SPATA20: variants seen among roughly 807,000 people sequenced by gnomAD.
SPATA20 encodes the protein spermatogenesis associated 20, also known as spermatogenesis-associated protein 20.
SPATA20 carries 74 observed loss-of-function variants against 98.9 expected under a neutral mutation model. The ratio of observed to expected loss-of-function variants is 0.75; its 90% confidence interval spans 0.62 to 0.91. SPATA20 has a LOEUF of 0.91. Ranked by LOEUF, SPATA20 falls within the 40% of genes least tolerant of loss-of-function variation. SPATA20 has a pLI of 0.00. For missense variants in SPATA20, 1,016 were observed against 1,069.8 expected, an observed-to-expected ratio of 0.95 and a Z score of 0.70; for synonymous variants, 430 against 440.5, an observed-to-expected ratio of 0.98 and a Z score of 0.30.
Position 50,552,126 on chromosome 17 carries a change from T to G in SPATA20, c.1903T>G (p.Tyr635Asp). The G allele has an allele frequency of 6.2e-7, 1 of 1,613,846 alleles. No homozygotes were observed. Among genetic ancestry groups the G allele is most frequent in the South Asian group, 1.1e-5 (1 of 91,084 alleles). The change falls in exon 14 of 17, where the codon TAC (tyrosine) becomes GAC (aspartate). Residue 635 changes from tyrosine (Y) to aspartate (D), a missense_variant. Tyr to Asp is a radical substitution (Grantham distance 160). Transcript: ENST00000006658. ...CTTTTGGGACTCCCAGGGTGGCGGC[T>G]ACTTCTGCAGTGAGGCTGAGCTGGG... ...KLFWDSQGGGYFCSEAELGAG... is the reference protein window; with the variant it reads ...KLFWDSQGGGDFCSEAELGAG...
chr17:50,548,925 G>A lies in SPATA20; in HGVS notation c.477G>A (p.Glu159=). 1.2e-6 allele frequency: 2 copies of A among 1,614,190 alleles called. No homozygotes were observed. The highest frequency in any genetic ancestry group is 1.3e-5 in the African/African-American group (1 of 75,052). ...DFVSVKVDRE[E]RPDVDKVYMT... ...TGAGTGTGAAGGTAGACCGTGAGGA[G>A]CGGCCTGACGTGGACAAGGTGTACA... The change falls in exon 5 of 17, where the codon GAG becomes GAA. Residue 159 remains glutamate, a synonymous_variant. Transcript: ENST00000006658.
chr17:50,551,256 C>T (rs111452879), intron 12 of SPATA20, 66 bp downstream of exon 12: 20 of 1,426,734 alleles, frequency 1.4e-5, no homozygotes, highest in Middle Eastern at 2.5e-4. Flanking sequence ...CCTGTCTTTC[C>T]GGCAGCGGCT....
intron 9 of SPATA20, 50 bp downstream of exon 9, chr17:50,550,362 C>A: frequency 6.9e-7 from 1 of 1,446,936 alleles, no homozygotes; most frequent in Non-Finnish European, 9.5e-7. Context: ...CTGGCTGCCC[C>A]TCCCAAGGCC....
Position 50,550,784 on chromosome 17 carries a change from ATGTG to A in SPATA20, c.1253_1256del (p.Val418GlyfsTer21). On this transcript the variant is annotated frameshift_variant, in exon 11 of 17. Transcript: ENST00000006658. LOFTEE classifies it high-confidence loss of function. ...CAGCGGCCCAAAGAGGGCGCCTACT[ATGTG>A]TGGACGGTCAAAGAGGTTCAGCAGC... is the stretch of plus-strand genomic sequence containing the variant. 1 of 1,613,042 alleles carries A rather than the reference ATGTG, an allele frequency of 6.2e-7. No homozygotes were observed. Among genetic ancestry groups the A allele is most frequent in the Non-Finnish European group, 8.5e-7 (1 of 1,180,018 alleles).
rs763377096 is a variant in SPATA20, at chr17:50,550,000, T to C, written c.878T>C (p.Leu293Pro). 1.3e-6 allele frequency: 2 copies of C among 1,552,300 alleles called. No individual in the cohort carries two copies. Among genetic ancestry groups the C allele is most frequent in the Admixed American group, 3.7e-5 (2 of 54,236 alleles). Residue 293 changes from leucine (L) to proline (P), a missense_variant, in exon 8 of 17, where the codon CTG becomes CCG. Leu to Pro is a moderately conservative substitution (Grantham distance 98). Transcript: ENST00000006658. Reference sequence around the variant, plus strand: ...GCCCCCACAGTGATCCTGAGCTTCCTGTTCTCCTACTGGCTCAGCCATCGA... The same window carrying C: ...GCCCCCACAGTGATCCTGAGCTTCCCGTTCTCCTACTGGCTCAGCCATCGA... The part of the protein sequence containing the change: ...KFPTPVILSF[L>P]FSYWLSHRLT...
chr17:50,550,159 T>C (rs1432510534), intron 8 of SPATA20, 44 bp downstream of exon 8: 1 of 1,612,168 alleles, frequency 6.2e-7, no homozygotes, highest in Admixed American at 1.7e-5. Flanking sequence ...CAGGGGGCTG[T>C]GGGGTGGGGC....
Position 50,549,999 on chromosome 17 carries a change from C to T in SPATA20, c.877C>T (p.Leu293=), listed in dbSNP as rs2034984751. The T allele has an allele frequency of 2.6e-6, 4 of 1,551,744 alleles. No individual in the cohort carries two copies. The highest frequency in any genetic ancestry group is 2.6e-6 in the Non-Finnish European group (3 of 1,143,370). The change falls in exon 8 of 17, where the codon CTG becomes TTG. Residue 293 remains leucine, a synonymous_variant. Transcript: ENST00000006658. ...KFPTPVILSF[L]FSYWLSHRLT... is the part of the protein sequence containing the mutation. The stretch of plus-strand genomic sequence containing the variant: ...TGCCCCCACAGTGATCCTGAGCTTC[C>T]TGTTCTCCTACTGGCTCAGCCATCG...
intron 7 of SPATA20, 30 bp downstream of exon 7, chr17:50,549,517 G>A (rs369523074): frequency 5.6e-6 from 9 of 1,596,726 alleles, no homozygotes; most frequent in Non-Finnish European, 7.7e-6. Flanking sequence ...CTTAGCCCAG[G>A]CTTTGGCCTT....
Position 50,547,276 on chromosome 17 carries a change from C to T in SPATA20, c.68C>T (p.Ala23Val). 1 of 1,378,718 alleles carries T rather than the reference C, an allele frequency of 7.3e-7. No homozygotes were observed. The highest frequency in any genetic ancestry group is 9.3e-7 in the Non-Finnish European group (1 of 1,074,010). 85.4% of individuals were successfully genotyped at this position (1,378,718 alleles called of 1,614,324 possible). The part of the protein sequence containing the change: ...LLPRAGAGLA[A>V]SRRCPGVWPR... The stretch of plus-strand genomic sequence containing the variant: ...CCCCGCGCCGGTGCAGGCCTCGCCG[C>T]GAGCCGCAGGTACGGGCGGGCGAGC... Residue 23 changes from alanine (A) to valine (V), a missense_variant, in exon 1 of 17, where the codon GCG (alanine) becomes GTG (valine). By Grantham distance (64) the Ala-to-Val change is moderately conservative. Coordinates refer to ENST00000006658, the MANE Select transcript of SPATA20 (RefSeq NM_022827.4).
At chr17:50,554,492 G>A (rs372154852) in intron 15 of SPATA20, 42 bp downstream of exon 15, 251 of 1,591,748 alleles carry the variant, frequency 1.6e-4, no homozygotes, top group Non-Finnish European at 1.1e-4. Context: ...CGGGTAGGAG[G>A]GAAGTTGGGG....
chr17:50,554,152 G>A, intron 14 of SPATA20, 99 bp from the exon 15 acceptor site: 2 of 1,097,376 alleles, frequency 1.8e-6, no homozygotes, highest in Non-Finnish European at 1.3e-6. Context: ...CCTTTTCTCT[G>A]TCCCGTCCCC....
chr17:50,555,471 C>T (rs767933869), intron 16 of SPATA20, 21 bp from the exon 17 acceptor site: 69 of 1,613,246 alleles, frequency 4.3e-5, no homozygotes, highest in Non-Finnish European at 5.5e-5. Flanking sequence ...GGTGACTCTC[C>T]CTGCTCTGCT....
chr17:50,552,480 C>CCTTT (rs3986428), intron 14 of SPATA20, among the ~76,000 whole-genome samples: 59,039 of 149,054 alleles, frequency 0.4, 14,576 homozygotes, highest in African/African-American at 0.7. Context: ...TTGTTTCGTT[C>CCTTT]CTTTCTTTTC....
chr17:50,550,866 C>T lies in SPATA20; in HGVS notation c.1332C>T (p.Leu444=), dbSNP rs1184250947. The T allele has an allele frequency of 1.2e-6, 2 of 1,613,092 alleles. No homozygotes were observed. The highest frequency in any genetic ancestry group is 1.7e-6 in the Non-Finnish European group (2 of 1,180,024). The change falls in exon 11 of 17, where the codon CTC becomes CTT. Residue 444 remains leucine (L), a synonymous_variant. Coordinates refer to ENST00000006658, the MANE Select transcript of SPATA20 (RefSeq NM_022827.4). ...CCGAGCCGCTGACCTCAGGCCAGCTCCTCATGAAGCACTACGGCCTCACAG... is the reference window on the plus strand; with the variant it reads ...CCGAGCCGCTGACCTCAGGCCAGCTTCTCATGAAGCACTACGGCCTCACAG... The part of the protein sequence containing the change: ...GATEPLTSGQ[L]LMKHYGLTEA...
intron 7 of SPATA20, 143 bp from the exon 8 acceptor site, chr17:50,549,840 GGT>G: frequency 1.1e-6 from 1 of 890,342 alleles, no homozygotes; most frequent in South Asian, 1.7e-5. Flanking sequence ...CTGTCCTGTG[GGT>G]TGACTCTTGA....
Position 50,554,415 on chromosome 17 carries a change from C to A in SPATA20, c.2122C>A (p.Arg708Ser), listed in dbSNP as rs752772922. Reference protein sequence around the residue: ...RVPVALPEMVRALSAQQQTLK... With the variant: ...RVPVALPEMVSALSAQQQTLK... ...CCCGGTGGCGTTGCCCGAGATGGTCCGCGCCCTCTCAGCCCAGCAGCAGAC... is the reference window on the plus strand; with the variant it reads ...CCCGGTGGCGTTGCCCGAGATGGTCAGCGCCCTCTCAGCCCAGCAGCAGAC... Residue 708 changes from arginine to serine, a missense_variant, in exon 15 of 17, where the codon CGC (arginine) becomes AGC (serine). Arg to Ser is a moderately radical substitution (Grantham distance 110). Coordinates refer to ENST00000006658, the MANE Select transcript of SPATA20 (RefSeq NM_022827.4). 2 of 1,613,176 alleles carry A rather than the reference C, an allele frequency of 1.2e-6. No individual in the cohort carries two copies. The highest frequency in any genetic ancestry group is 1.7e-6 in the Non-Finnish European group (2 of 1,179,992).
Position 50,548,365 on chromosome 17 carries a change from CCTT to C in SPATA20, c.210_212del (p.Ser72del). The C allele has an allele frequency of 6.2e-7, 1 of 1,614,000 alleles. No individual in the cohort carries two copies. On this transcript the variant is annotated inframe_deletion, in exon 3 of 17. Transcript: ENST00000006658. Reference sequence around the variant, plus strand: ...GCCTGCTGGAGGGAAAGGAAGCCATCCTTCATCTACACCCCAGAGGGTCCCCAA... The same window carrying C: ...GCCTGCTGGAGGGAAAGGAAGCCATCCATCTACACCCCAGAGGGTCCCCAA...
chr17:50,554,982 G>A (rs931697445), intron 15 of SPATA20, among the ~76,000 whole-genome samples: 4 of 151,858 alleles, frequency 2.6e-5, no homozygotes, highest in Admixed American at 2.6e-4. Flanking sequence ...TCTTCTGGGT[G>A]TGTGTCTCCC....
chr17:50,551,893 GT>G, intron 13 of SPATA20, 75 bp from the exon 14 acceptor site: 3 of 1,383,932 alleles, frequency 2.2e-6, no homozygotes, highest in Non-Finnish European at 3.0e-6. Context: ...GAACAAATGC[GT>G]GAAAGGGCCT....
Sources: allele counts gnomAD v4.1 joint callset (sites outside exome capture counted in the v4.1 genomes callset), GRCh38; gene constraint gnomAD v4.1.1; transcripts MANE v1.5; gene names NCBI Gene and HGNC (gene_info 2026-07-23, HGNC 2026-07-21).